Variants in NAALADL2 observed in about 807,000 individuals in gnomAD.
NAALADL2 encodes the protein N-acetylated alpha-linked acidic dipeptidase like 2, also known as inactive N-acetylated-alpha-linked acidic dipeptidase-like protein 2.
In NAALADL2, 76 loss-of-function variants were observed where a neutral mutation model predicts 87.2. The observed-to-expected ratio is 0.87, with a 90% CI of 0.72 to 1.05. The LOEUF (loss-of-function observed/expected upper bound fraction) is 1.05, where lower values mean the gene tolerates loss of function less well. Ranked by LOEUF, NAALADL2 falls within the 50% of genes least tolerant of loss-of-function variation. The pLI, the probability that NAALADL2 is intolerant of heterozygous loss-of-function variation, is 0.00. For missense variants in NAALADL2, 1,089 were observed against 945.8 expected, an observed-to-expected ratio of 1.15 and a Z score of -1.99; for synonymous variants, 354 against 331.0, an observed-to-expected ratio of 1.07 and a Z score of -0.75.
At chr3:175,137,712 G>T (rs1394704831) in intron 2 of NAALADL2, among the ~76,000 whole-genome samples, 1 of 150,496 alleles carries the variant, frequency 6.6e-6, no homozygotes, top group African/African-American at 2.4e-5. Context: ...TGATTCTCCT[G>T]CCTCAGACTC....
intron 5 of NAALADL2, among the ~76,000 whole-genome samples, chr3:175,326,280 G>T (rs1348263269): frequency 6.6e-6 from 1 of 152,086 alleles, no homozygotes; most frequent in African/African-American, 2.4e-5. Flanking sequence ...TATCAGAATG[G>T]CCTTTACTGT....
intron 11 of NAALADL2, among the ~76,000 whole-genome samples, chr3:175,663,088 T>C (rs1374357287): frequency 6.6e-6 from 1 of 151,922 alleles, no homozygotes; most frequent in Non-Finnish European, 1.5e-5. Flanking sequence ...TTGGTATTGG[T>C]TCTTCTTTAA....
At chr3:174,553,640 A>G (rs895425589) in intron 2 of NAALADL2, among the ~76,000 whole-genome samples, 14 of 152,180 alleles carry the variant, frequency 9.2e-5, no homozygotes, top group Non-Finnish European at 2.1e-4. Context: ...AATCATCTTT[A>G]ACATTTGATG....
At chr3:174,704,689 A>G (rs1729890943) in intron 2 of NAALADL2, among the ~76,000 whole-genome samples, 1 of 151,952 alleles carries the variant, frequency 6.6e-6, no homozygotes, top group Non-Finnish European at 1.5e-5. Context: ...GTGATGGAAA[A>G]TAGATAAAAA....
At chr3:174,899,326 T>G (rs747644866) in intron 1 of NAALADL2, among the ~76,000 whole-genome samples, 1 of 152,168 alleles carries the variant, frequency 6.6e-6, no homozygotes, top group Non-Finnish European at 1.5e-5. Flanking sequence ...GTTTAAGTAT[T>G]TGGCCCCACC....
At chr3:174,861,856 T>C (rs1227535200) in intron 1 of NAALADL2, among the ~76,000 whole-genome samples, 2 of 152,108 alleles carry the variant, frequency 1.3e-5, no homozygotes, top group East Asian at 3.9e-4. Flanking sequence ...GTGGAGCCCA[T>C]ATGCCATTAA....
At chr3:174,851,066 G>A (rs1346625329) in intron 3 of NAALADL2, among the ~76,000 whole-genome samples, 1 of 152,016 alleles carries the variant, frequency 6.6e-6, no homozygotes, top group Non-Finnish European at 1.5e-5. Flanking sequence ...AGAAACAAAT[G>A]AAAATGGACA....
intron 3 of NAALADL2, among the ~76,000 whole-genome samples, chr3:174,820,874 T>C (rs1010839672): frequency 2.6e-5 from 4 of 152,224 alleles, no homozygotes; most frequent in African/African-American, 9.6e-5. Flanking sequence ...TTTTCATAAC[T>C]AATTTTGCAT....
At chr3:174,704,928 A>T (rs967468566) in intron 2 of NAALADL2, among the ~76,000 whole-genome samples, 1 of 152,240 alleles carries the variant, frequency 6.6e-6, no homozygotes, top group African/African-American at 2.4e-5. Flanking sequence ...GGTCACAAAA[A>T]CATCACCAAA....
intron 1 of NAALADL2, among the ~76,000 whole-genome samples, chr3:175,081,482 C>T (rs956805788): frequency 6.6e-5 from 10 of 152,126 alleles, no homozygotes; most frequent in African/African-American, 9.7e-5. Context: ...ACTCAAATGT[C>T]ATGGTGTCTT....
intron 1 of NAALADL2, among the ~76,000 whole-genome samples, chr3:174,936,087 A>C (rs1247712458): frequency 1.3e-5 from 2 of 152,112 alleles, no homozygotes; most frequent in Non-Finnish European, 2.9e-5. Context: ...TGATGGTTGA[A>C]AAGGGAATTA....
intron 2 of NAALADL2, among the ~76,000 whole-genome samples, chr3:175,183,447 G>C (rs905644512): frequency 1.3e-5 from 2 of 151,862 alleles, no homozygotes; most frequent in African/African-American, 2.4e-5. Flanking sequence ...ACTTTTTTCT[G>C]GTGAGTATAA....
chr3:175,370,832 A>G (rs1766388999), intron 5 of NAALADL2, among the ~76,000 whole-genome samples: 1 of 152,200 alleles, frequency 6.6e-6, no homozygotes, highest in African/African-American at 2.4e-5. Context: ...GGGTAATGGA[A>G]GTAAACTGAC....
At chr3:174,728,326 A>C (rs995802901) in intron 2 of NAALADL2, among the ~76,000 whole-genome samples, 1 of 152,052 alleles carries the variant, frequency 6.6e-6, no homozygotes, top group Non-Finnish European at 1.5e-5. Flanking sequence ...ACTTATAATA[A>C]GCCTTTAAAG....
chr3:175,600,887 T>C (rs551495697), intron 10 of NAALADL2, among the ~76,000 whole-genome samples: 321 of 152,284 alleles, frequency 2.1e-3, no homozygotes, highest in African/African-American at 7.5e-3. Context: ...CATGTGGCAT[T>C]GAATTATATT....
At chr3:175,763,971 G>C (rs542693124) in intron 13 of NAALADL2, among the ~76,000 whole-genome samples, 5 of 152,016 alleles carry the variant, frequency 3.3e-5, no homozygotes, top group African/African-American at 7.2e-5. Flanking sequence ...GATTTGAAAG[G>C]CATGAGAAAT....
At chr3:175,105,642 GACACACACACACACACACACAC>G (rs57274941) in intron 2 of NAALADL2, among the ~76,000 whole-genome samples, 3 of 144,552 alleles carry the variant, frequency 2.1e-5, no homozygotes, top group South Asian at 2.2e-4. Context: ...AATACACACA[GACACACACACACACACACACAC>G]ACACACACAC....
rs1749949681 is a variant in NAALADL2, at chr3:175,256,401, C to T, written c.820-10C>T. 1.9e-6 allele frequency: 3 copies of T among 1,590,016 alleles called. No homozygotes were observed. The highest frequency in any genetic ancestry group is 1.2e-5 in the South Asian group (1 of 86,464). On this transcript the variant is annotated splice_polypyrimidine_tract_variant and intron_variant, in intron 3 of 13. Transcript: ENST00000454872. ...GGCTTTATTTTTCTTTGTTTTTTCTCCTCTTTCAGGCTGAAGTCATCGATG... is the reference window on the plus strand; with the variant it reads ...GGCTTTATTTTTCTTTGTTTTTTCTTCTCTTTCAGGCTGAAGTCATCGATG...
intron 1 of NAALADL2, among the ~76,000 whole-genome samples, chr3:174,549,894 G>T (rs965128606): frequency 4.1e-5 from 6 of 146,228 alleles, no homozygotes; most frequent in African/African-American, 1.3e-4. Flanking sequence ...GTGGTTTTTT[G>T]TTTTTTTTTT....
Sources: allele counts gnomAD v4.1 joint callset (sites outside exome capture counted in the v4.1 genomes callset), GRCh38; gene constraint gnomAD v4.1.1; transcripts MANE v1.5; gene names NCBI Gene and HGNC (gene_info 2026-07-23, HGNC 2026-07-21).